The following NAT2 variants were observed in gnomAD, a reference collection of about 807,000 sequenced individuals.
The protein encoded by NAT2 is N-acetyltransferase 2.
For synonymous variants in NAT2, 137 were observed against 125.9 expected, an observed-to-expected ratio of 1.09 and a Z score of -0.59; for missense variants, 428 against 339.1, an observed-to-expected ratio of 1.26 and a Z score of -2.06.
chr8:18,389,886 C>T (rs1037783833), upstream of NAT2, among the ~76,000 whole-genome samples: 3 of 152,166 alleles, frequency 2.0e-5, no homozygotes, highest in Non-Finnish European at 4.4e-5. Context: ...ATTTGTATTC[C>T]AGTGGCTTAT....
chr8:18,400,137 G>T lies in NAT2; in HGVS notation c.134G>T (p.Gly45Val), dbSNP rs771801023. Residue 45 changes from glycine to valine, a missense_variant, in exon 2 of 2, where the codon GGG (glycine) becomes GTG (valine). Gly to Val is a moderately radical substitution (Grantham distance 109, BLOSUM62 -3). Transcript: ENST00000286479. ...VPFENLNMHC[G>V]QAMELGLEAI... is the part of the protein sequence containing the mutation. ...TTTGAGAACCTTAACATGCATTGTGGGCAAGCCATGGAGTTGGGCTTAGAG... is the reference window on the plus strand; with the variant it reads ...TTTGAGAACCTTAACATGCATTGTGTGCAAGCCATGGAGTTGGGCTTAGAG... 5.6e-6 allele frequency: 9 copies of T among 1,613,882 alleles called. No homozygotes were observed. The highest frequency in any genetic ancestry group is 7.6e-6 in the Non-Finnish European group (9 of 1,179,968).
chr8:18,390,796 TTG>T (rs1219648868), upstream of NAT2, among the ~76,000 whole-genome samples: 1 of 152,070 alleles, frequency 6.6e-6, no homozygotes, highest in African/African-American at 2.4e-5. Flanking sequence ...TTCAGACACA[TTG>T]TGTGTTACCT....
upstream of NAT2, chr8:18,387,368 GC>G (rs1411802086): frequency 1.3e-5 from 2 of 152,622 alleles, no homozygotes; most frequent in East Asian, 3.9e-4. Flanking sequence ...TCTGTCCGCG[GC>G]CCCTTCACGT....
In NAT2 at chr8:18,400,272, G is replaced by C; in HGVS notation, c.269G>C (p.Gly90Ala). ...TTIGFQTTMLGGYFYIPPVNK... is the reference protein window; with the variant it reads ...TTIGFQTTMLAGYFYIPPVNK... ...ATCGGTTTTCAGACCACAATGTTAG[G>C]AGGGTATTTTTACATCCCTCCAGTT... The change falls in exon 2 of 2, where the codon GGA (glycine) becomes GCA (alanine). Residue 90 changes from glycine to alanine, a missense_variant. Transcript: ENST00000286479. 6.2e-7 allele frequency: 1 copy of C among 1,613,532 alleles called. No homozygotes were observed. The highest frequency in any genetic ancestry group is 8.5e-7 in the Non-Finnish European group (1 of 1,179,706).
At chr8:18,390,557 TTA>T (rs1330088078), upstream of NAT2, among the ~76,000 whole-genome samples, 3 of 152,108 alleles carry the variant, frequency 2.0e-5, no homozygotes, top group East Asian at 1.9e-4. Flanking sequence ...TATACAATTG[TTA>T]TGTGTCAAAA....
chr8:18,392,682 ACT>A, intron 1 of NAT2, among the ~76,000 whole-genome samples: 1 of 152,208 alleles, frequency 6.6e-6, no homozygotes, highest in East Asian at 1.9e-4. Context: ...TCAAGTTGAC[ACT>A]CAATATTAAC....
chr8:18,387,267 C>G (rs1800519973), upstream of NAT2: 1 of 153,346 alleles, frequency 6.5e-6, no homozygotes, highest in African/African-American at 2.4e-5. Context: ...GGCGCCGCCG[C>G]CGCCGCTCCC....
chr8:18,396,638 C>G (rs548894600), intron 1 of NAT2, among the ~76,000 whole-genome samples: 2 of 152,250 alleles, frequency 1.3e-5, no homozygotes, highest in African/African-American at 4.8e-5. Context: ...TCGTGATCTG[C>G]CCACCTTGGC....
At chr8:18,397,585 A>T (rs1424349968) in intron 1 of NAT2, among the ~76,000 whole-genome samples, 1 of 152,184 alleles carries the variant, frequency 6.6e-6, no homozygotes, top group Non-Finnish European at 1.5e-5. Flanking sequence ...ATTAAAATTG[A>T]ATTATTTATA....
intron 1 of NAT2, among the ~76,000 whole-genome samples, chr8:18,398,069 G>C (rs1800722803): frequency 1.3e-5 from 2 of 152,202 alleles, no homozygotes; most frequent in African/African-American, 4.8e-5. Flanking sequence ...TTGAAGAGAA[G>C]GCATGCAGAT....
upstream of NAT2, chr8:18,387,084 G>C (rs1040866620): frequency 3.3e-5 from 5 of 152,256 alleles, no homozygotes; most frequent in Admixed American, 2.0e-4. Flanking sequence ...GGTGGGGGAA[G>C]GGGGGAGCCC....
Position 18,400,571 on chromosome 8 carries a change from T to C in NAT2, c.568T>C (p.Tyr190His), listed in dbSNP as rs1388170814. ...GCCAAAGAAGAAACACCAAAAAATA[T>C]ACTTATTTACGCTTGAACCTCGAAC... ...LLPKKKHQKI[Y>H]LFTLEPRTIE... The change falls in exon 2 of 2, where the codon TAC (tyrosine) becomes CAC (histidine). Residue 190 changes from tyrosine to histidine, a missense_variant. Tyr to His is a moderately conservative substitution (Grantham distance 83). Transcript: ENST00000286479. The C allele has an allele frequency of 1.9e-6, 3 of 1,612,532 alleles. No homozygotes were observed. Among genetic ancestry groups the C allele is most frequent in the South Asian group, 2.2e-5 (2 of 90,702 alleles).
At position 18,393,415 on chromosome 8, in the gene NAT2, G is replaced by C. The variant is rs553759205; in HGVS notation, c.-7+2070G>C. 9.2e-5 allele frequency among the ~76,000 whole-genome samples: 14 copies of C among 152,206 alleles called. No individual in the cohort carries two copies. The South Asian group carries it at 2.7e-3, about 29-fold the overall frequency. On this transcript the variant is annotated intron_variant, in intron 1 of 1. Transcript: ENST00000286479. ...GGACTGCAAATGGTTTAGGCCTTTA[G>C]ACGTAATGTAGGCAATCAGATTTCT...
At chr8:18,387,172 G>C (rs1034330669), upstream of NAT2, 1 of 152,290 alleles carries the variant, frequency 6.6e-6, no homozygotes, top group Non-Finnish European at 1.5e-5. Flanking sequence ...CAGGGAGCGC[G>C]GGGAGCTGGC....
chr8:18,393,412 T>C (rs9987109), intron 1 of NAT2, among the ~76,000 whole-genome samples: 58,192 of 152,000 alleles, frequency 0.38, 11,867 homozygotes, highest in Middle Eastern at 0.45. Context: ...GTTTAGGCCT[T>C]TAGACGTAAT....
chr8:18,388,518 A>AT (rs1448045444), upstream of NAT2, among the ~76,000 whole-genome samples: 3 of 151,442 alleles, frequency 2.0e-5, no homozygotes, highest in East Asian at 5.8e-4. Flanking sequence ...AAAAAAAAAA[A>AT]AAAAAAAATT....
chr8:18,399,898 G>A (rs1800757217), intron 1 of NAT2, 100 bp from the exon 2 acceptor site: 15 of 1,301,778 alleles, frequency 1.2e-5, no homozygotes, highest in Non-Finnish European at 1.5e-5. Context: ...TAACCATTGT[G>A]TTTTTACGTA....
rs139904519 is a variant in NAT2 at position 18,399,855 on chromosome 8, T to C, written c.-6-143T>C. 3.6e-4 allele frequency: 340 copies of C among 946,686 alleles called. 2 individuals carry two copies. The highest frequency in any genetic ancestry group is 3.6e-4 in the Middle Eastern group (1 of 2,790). 58.6% of individuals were successfully genotyped at this position (946,686 alleles called of 1,614,324 possible). Reference sequence around the variant, plus strand: ...GTAAAAGGGATTCATGCAGTAGAAATACTAACAAAAGAATTACTATGACAG... The same window carrying C: ...GTAAAAGGGATTCATGCAGTAGAAACACTAACAAAAGAATTACTATGACAG... On this transcript the variant is annotated intron_variant, in intron 1 of 1. Coordinates refer to ENST00000286479, the MANE Select transcript of NAT2 (RefSeq NM_000015.3).
At chr8:18,390,103 C>T (rs1800569206), upstream of NAT2, among the ~76,000 whole-genome samples, 1 of 152,190 alleles carries the variant, frequency 6.6e-6, no homozygotes, top group Admixed American at 6.5e-5. Context: ...GATATTTAGT[C>T]TCCAGTTCCC....
Sources: allele counts gnomAD v4.1 joint callset (sites outside exome capture counted in the v4.1 genomes callset), GRCh38; gene constraint gnomAD v4.1.1; transcripts MANE v1.5; gene names NCBI Gene and HGNC (gene_info 2026-07-23, HGNC 2026-07-21).